Variants in CNTNAP2 observed in about 807,000 individuals in gnomAD.
CNTNAP2 encodes contactin associated protein 2.
A neutral mutation model predicts 155.2 loss-of-function variants in CNTNAP2; 98 were observed. That is an observed-to-expected ratio of 0.63 (90% CI 0.54 to 0.75). The LOEUF is 0.75. CNTNAP2 is among the 30% of genes least tolerant of loss of function. The pLI is 0.00. For missense variants in CNTNAP2, 1,727 were observed against 1,688.1 expected, an observed-to-expected ratio of 1.02 and a Z score of -0.40; for synonymous variants, 651 against 631.2, an observed-to-expected ratio of 1.03 and a Z score of -0.47.
At chr7:148,319,746 G>A (rs1050535767) in intron 21 of CNTNAP2, among the ~76,000 whole-genome samples, 2 of 151,750 alleles carry the variant, frequency 1.3e-5, no homozygotes, top group East Asian at 1.9e-4. Context: ...TGATCTGTCA[G>A]TATCTCCCAT....
intron 3 of CNTNAP2, among the ~76,000 whole-genome samples, chr7:146,876,722 A>C (rs1795436568): frequency 6.6e-6 from 1 of 152,158 alleles, no homozygotes; most frequent in Non-Finnish European, 1.5e-5. Flanking sequence ...CGATACAATA[A>C]TGTGTATTGT....
rs960137676 is a variant in CNTNAP2, at chr7:147,343,505, A to G, written c.1498+43215A>G. 1.8e-4 allele frequency among the ~76,000 whole-genome samples: 28 copies of G among 152,186 alleles called. 1 individual carries two copies. The highest frequency in any genetic ancestry group is 6.5e-4 in the African/African-American group (27 of 41,452). On this transcript the variant is annotated intron_variant, in intron 9 of 23. Coordinates refer to ENST00000361727, the MANE Select transcript of CNTNAP2 (RefSeq NM_014141.6). ...TTTAATATTTAATTTTACTTTGGGC[A>G]CATCCTGATACACTAGAGAAAGCCT...
In CNTNAP2 at chr7:147,204,713, C is replaced by T. The variant is rs555399977; in HGVS notation, c.1348+72204C>T. 3.5e-4 allele frequency among the ~76,000 whole-genome samples: 53 copies of T among 152,068 alleles called. 1 individual carries two copies. The highest frequency in any genetic ancestry group is 6.5e-4 in the African/African-American group (27 of 41,488). ...TTCATTAATTTTAACAAATGTACCA[C>T]GCTAATGTAATGAATAAATATTAGG... On this transcript the variant is annotated intron_variant, in intron 8 of 23. Transcript: ENST00000361727.
At chr7:148,344,322 G>A (rs1798284011) in intron 21 of CNTNAP2, among the ~76,000 whole-genome samples, 1 of 152,110 alleles carries the variant, frequency 6.6e-6, no homozygotes, top group African/African-American at 2.4e-5. Context: ...GGAACTGCAG[G>A]AAGTCAATCG....
chr7:146,822,023 G>C (rs1459520331), intron 2 of CNTNAP2, among the ~76,000 whole-genome samples: 1 of 151,870 alleles, frequency 6.6e-6, no homozygotes, highest in East Asian at 1.9e-4. Flanking sequence ...ACATGCACAC[G>C]TATGTTTATT....
At position 146,433,266 on chromosome 7, in the gene CNTNAP2, C is replaced by T. The variant is rs187833370; in HGVS notation, c.97+316293C>T. Among the ~76,000 whole-genome samples, 17 of 152,172 alleles carry T rather than the reference C, an allele frequency of 1.1e-4. 1 individual carries two copies. The East Asian group carries it at 3.1e-3, about 28-fold the overall frequency. On this transcript the variant is annotated intron_variant, in intron 1 of 23. Transcript: ENST00000361727. ...AAGAAATCAAATTAATAATTCAAAACGTAAAAGCTATCTGTTGGTCTCTCT... is the reference window on the plus strand; with the variant it reads ...AAGAAATCAAATTAATAATTCAAAATGTAAAAGCTATCTGTTGGTCTCTCT...
At chr7:148,015,458 A>G (rs942696924) in intron 15 of CNTNAP2, among the ~76,000 whole-genome samples, 1 of 152,112 alleles carries the variant, frequency 6.6e-6, no homozygotes, top group Non-Finnish European at 1.5e-5. Flanking sequence ...GTGTCCCCAA[A>G]TCAGGAAGGC....
chr7:146,286,687 C>T lies in CNTNAP2; in HGVS notation c.97+169714C>T, dbSNP rs773203871. ...AGGGCCTTCCTTGTCTGACCTCATC[C>T]GACCCCTACAGAAACAGAGCCATGA... is the stretch of plus-strand genomic sequence containing the variant. On this transcript the variant is annotated intron_variant, in intron 1 of 23. Coordinates refer to ENST00000361727, the MANE Select transcript of CNTNAP2 (RefSeq NM_014141.6). Among the ~76,000 whole-genome samples the T allele has an allele frequency of 2.4e-4, 37 of 152,104 alleles. 1 individual carries two copies. Among genetic ancestry groups the T allele is most frequent in the Admixed American group, 4.6e-4 (7 of 15,272 alleles).
At chr7:147,419,757 T>G (rs1025644614) in intron 10 of CNTNAP2, among the ~76,000 whole-genome samples, 1 of 152,176 alleles carries the variant, frequency 6.6e-6, no homozygotes, top group African/African-American at 2.4e-5. Flanking sequence ...GCATCAAATT[T>G]GAAAATAATT....
At chr7:148,414,370 G>A (rs1327173092) in intron 23 of CNTNAP2, among the ~76,000 whole-genome samples, 1 of 152,106 alleles carries the variant, frequency 6.6e-6, no homozygotes, top group African/African-American at 2.4e-5. Context: ...GCGAGCCACT[G>A]CTCATTTCAG....
At chr7:146,139,390 G>A (rs1055968599) in intron 1 of CNTNAP2, among the ~76,000 whole-genome samples, 1 of 152,050 alleles carries the variant, frequency 6.6e-6, no homozygotes, top group Non-Finnish European at 1.5e-5. Context: ...ACCACAAAAT[G>A]GCTTAAGAGT....
chr7:146,674,925 T>C (rs1360274359), intron 1 of CNTNAP2, among the ~76,000 whole-genome samples: 1 of 152,170 alleles, frequency 6.6e-6, no homozygotes, highest in Non-Finnish European at 1.5e-5. Context: ...AAGTTTCCTT[T>C]ACAACCAGAA....
intron 1 of CNTNAP2, among the ~76,000 whole-genome samples, chr7:146,673,347 A>G (rs984724368): frequency 2.6e-5 from 4 of 152,228 alleles, no homozygotes; most frequent in Non-Finnish European, 5.9e-5. Flanking sequence ...TGTCATACAT[A>G]AAGAAACACT....
chr7:146,902,402 T>C (rs1387830700), intron 3 of CNTNAP2, among the ~76,000 whole-genome samples: 1 of 152,226 alleles, frequency 6.6e-6, no homozygotes, highest in Non-Finnish European at 1.5e-5. Context: ...TTTCTTCTAG[T>C]ACTTAAATAA....
At chr7:146,759,695 A>AG (rs1802056078) in intron 1 of CNTNAP2, among the ~76,000 whole-genome samples, 1 of 106,506 alleles carries the variant, frequency 9.4e-6, no homozygotes, top group Non-Finnish European at 1.8e-5. Context: ...AAAAAAAAAA[A>AG]AAAAAAAAAA....
chr7:148,144,980 T>C lies in CNTNAP2; in HGVS notation c.2555-2511T>C, dbSNP rs112018043. 3.9e-3 allele frequency among the ~76,000 whole-genome samples: 597 copies of C among 152,156 alleles called. 2 individuals are homozygous for C. The highest frequency in any genetic ancestry group is 0.017 in the Middle Eastern group (5 of 294). On this transcript the variant is annotated intron_variant, in intron 16 of 23. Coordinates refer to ENST00000361727, the MANE Select transcript of CNTNAP2 (RefSeq NM_014141.6). ...TTTTAAAACACACTGGCTGTCTGACTGGGGGATGGGATTTCTCAAAGGCTT... is the reference window on the plus strand; with the variant it reads ...TTTTAAAACACACTGGCTGTCTGACCGGGGGATGGGATTTCTCAAAGGCTT...
chr7:147,931,869 C>T lies in CNTNAP2; in HGVS notation c.2255+28148C>T, dbSNP rs191244555. Among the ~76,000 whole-genome samples, 446 of 151,944 alleles carry T rather than the reference C, an allele frequency of 2.9e-3. 3 individuals are homozygous for T. Among genetic ancestry groups the T allele is most frequent in the African/African-American group, 0.01 (423 of 41,470 alleles). ...CAAAATTCCAATAACATTCTTTTTT[C>T]TTTATTTTATTTTATTTATTTATTT... On this transcript the variant is annotated intron_variant, in intron 14 of 23. Transcript: ENST00000361727.
At chr7:147,746,111 C>T (rs1797038909) in intron 13 of CNTNAP2, among the ~76,000 whole-genome samples, 1 of 152,218 alleles carries the variant, frequency 6.6e-6, no homozygotes, top group South Asian at 2.1e-4. Flanking sequence ...ATATCTTGCA[C>T]ATTTTACCTT....
At chr7:147,044,263 G>A (rs937201669) in intron 4 of CNTNAP2, among the ~76,000 whole-genome samples, 4 of 151,848 alleles carry the variant, frequency 2.6e-5, no homozygotes, top group African/African-American at 4.8e-5. Context: ...TTATAAACAC[G>A]TACAGAGACT....
Sources: gnomAD v4.1 joint callset for allele counts (sites outside exome capture counted in the v4.1 genomes callset) on GRCh38, gnomAD v4.1.1 for gene constraint, MANE v1.5 for transcripts, NCBI Gene and HGNC (gene_info 2026-07-23, HGNC 2026-07-21) for gene names.